Variants in WSCD1 observed in about 807,000 individuals in gnomAD.
WSCD1 encodes the protein WSC domain sialate O sulfotransferase 1, also known as sialate:O-sulfotransferase 1.
WSCD1 carries 41 observed loss-of-function variants against 60.4 expected under a neutral mutation model. The observed-to-expected ratio is 0.68, with a 90% CI of 0.53 to 0.88. WSCD1 has a LOEUF of 0.88. Ranked by LOEUF, WSCD1 falls within the 40% of genes least tolerant of loss-of-function variation. The pLI is 0.00. For missense variants in WSCD1, 784 were observed against 796.2 expected (o/e 0.98, Z 0.18); for synonymous variants, 361 against 332.5 (o/e 1.09, Z -0.93).
chr17:6,092,786 G>A (rs1910145373), intron 4 of WSCD1, among the ~76,000 whole-genome samples: 1 of 152,180 alleles, frequency 6.6e-6, no homozygotes, highest in Non-Finnish European at 1.5e-5. Context: ...GTTGCCCATG[G>A]ATTAAGAGAC....
At position 6,110,780 on chromosome 17, in the gene WSCD1, G is replaced by T; in HGVS notation, c.1019G>T (p.Cys340Phe). 1 of 1,612,484 alleles carries T rather than the reference G, an allele frequency of 6.2e-7. No individual in the cohort carries two copies. The highest frequency in any genetic ancestry group is 8.5e-7 in the Non-Finnish European group (1 of 1,178,830). Residue 340 changes from cysteine (C) to phenylalanine (F), a missense_variant, in exon 7 of 9, where the codon TGT becomes TTT. Coordinates refer to ENST00000317744, the MANE Select transcript of WSCD1 (RefSeq NM_015253.2). This position sits in a 1 kb window ranked among gnomAD's most constrained non-coding sequence, Gnocchi z 4.8. ...VYQTPVQDTR[C>F]TDRRFLPNKS... Reference sequence around the variant, plus strand: ...ACTTTTGGACTTTCAGACACTCGTTGTACAGACAGGAGGTTCCTGCCTAAC... The same window carrying T: ...ACTTTTGGACTTTCAGACACTCGTTTTACAGACAGGAGGTTCCTGCCTAAC...
chr17:6,092,360 G>T (rs1910114319), intron 4 of WSCD1, among the ~76,000 whole-genome samples: 1 of 152,076 alleles, frequency 6.6e-6, no homozygotes, highest in Non-Finnish European at 1.5e-5. Context: ...AGCTGACCGG[G>T]GCTTCTTAGA....
At chr17:6,082,448 G>A (rs1909342267) in intron 2 of WSCD1, among the ~76,000 whole-genome samples, 3 of 152,334 alleles carry the variant, frequency 2.0e-5, no homozygotes, top group South Asian at 2.1e-4. Flanking sequence ...TGGGAGACAT[G>A]GAAGGGACAC....
At chr17:6,099,999 C>G (rs952060617) in intron 5 of WSCD1, among the ~76,000 whole-genome samples, 1 of 152,070 alleles carries the variant, frequency 6.6e-6, no homozygotes, top group African/African-American at 2.4e-5. Flanking sequence ...GCTTGAATGC[C>G]TGCCTCAAGG....
Position 6,120,524 on chromosome 17 carries a change from C to T in WSCD1, c.1591C>T (p.Arg531Cys), listed in dbSNP as rs1394035623. 1.2e-5 allele frequency: 19 copies of T among 1,613,596 alleles called. No individual in the cohort carries two copies. Among genetic ancestry groups the T allele is most frequent in the African/African-American group, 4.0e-5 (3 of 74,946 alleles). The change falls in exon 9 of 9, where the codon CGC (arginine) becomes TGC (cysteine). Residue 531 changes from arginine (R) to cysteine (C), a missense_variant. Arg to Cys is a radical substitution (Grantham distance 180). Transcript: ENST00000317744. ...CAACAAGGAGGGCAGCTTCCGGCGG[C>T]GCGGCCGGCGCTCCCACGACCCTGA... ...ENNKEGSFRR[R>C]GRRSHDPEPF... is the part of the protein sequence containing the mutation.
At chr17:6,069,745 GTC>G (rs922258578), upstream of WSCD1, among the ~76,000 whole-genome samples, 3 of 150,142 alleles carry the variant, frequency 2.0e-5, no homozygotes, top group Non-Finnish European at 4.4e-5. Flanking sequence ...GTGACCGTCT[GTC>G]TCTAGCTCTG....
rs2150576979 is a variant in WSCD1, at chr17:6,123,967, C to T, written c.*3306C>T. ...CTTGCTGATTGCATCCACATTCATT[C>T]CTCCATTTCCTTTCCCAGCAACCCC... On this transcript the variant is annotated 3_prime_UTR_variant, in exon 9 of 9. Transcript: ENST00000317744. 1 of 152,290 alleles carries T rather than the reference C, an allele frequency of 6.6e-6. No homozygotes were observed. Among genetic ancestry groups the T allele is most frequent in the South Asian group, 2.1e-4 (1 of 4,816 alleles). 9.4% of individuals were successfully genotyped at this position (152,290 alleles called of 1,614,324 possible).
chr17:6,120,039 C>T (rs150169995), intron 8 of WSCD1, among the ~76,000 whole-genome samples: 19 of 152,338 alleles, frequency 1.2e-4, no homozygotes, highest in Non-Finnish European at 1.8e-4. Flanking sequence ...TCAGGCATCA[C>T]GCTGACTTAG....
intron 7 of WSCD1, among the ~76,000 whole-genome samples, chr17:6,114,153 TAAAAAAAAAA>T (rs370433776): frequency 1.0e-4 from 13 of 125,202 alleles, no homozygotes; most frequent in African/African-American, 3.7e-4. Context: ...TAGTTAGCCG[TAAAAAAAAAA>T]AAAAAAAAAG....
intron 5 of WSCD1, among the ~76,000 whole-genome samples, chr17:6,097,250 A>G (rs1910501234): frequency 6.6e-6 from 1 of 152,276 alleles, no homozygotes; most frequent in Admixed American, 6.5e-5. Context: ...AGGGGTGGCC[A>G]TTGTGGCCAT....
chr17:6,112,910 A>G (rs1911487629), intron 7 of WSCD1, among the ~76,000 whole-genome samples: 1 of 152,190 alleles, frequency 6.6e-6, no homozygotes, highest in Admixed American at 6.5e-5. Context: ...CTATCAAAAT[A>G]CCAATGACAT....
At chr17:6,103,573 C>A (rs1910925775) in intron 5 of WSCD1, among the ~76,000 whole-genome samples, 1 of 152,166 alleles carries the variant, frequency 6.6e-6, no homozygotes, top group African/African-American at 2.4e-5. Context: ...GGAGACATCC[C>A]ACATCCCACA....
At chr17:6,109,804 C>T in intron 6 of WSCD1, 38 bp downstream of exon 6, 5 of 1,596,228 alleles carry the variant, frequency 3.1e-6, no homozygotes, top group Admixed American at 1.7e-5. Flanking sequence ...GGCATTTGGT[C>T]TGGGGGGTGG....
intron 8 of WSCD1, 101 bp from the exon 9 acceptor site, chr17:6,120,207 TG>T: frequency 7.9e-7 from 1 of 1,270,608 alleles, no homozygotes. Context: ...CAGTGGACAG[TG>T]GAAAACCCTG....
chr17:6,081,938 G>T (rs1043205039), intron 2 of WSCD1: 2 of 152,270 alleles, frequency 1.3e-5, no homozygotes, highest in East Asian at 3.9e-4. Context: ...TGGGGTAGGG[G>T]CCAGCAGGCT....
intron 7 of WSCD1, 119 bp from the exon 8 acceptor site, chr17:6,117,869 G>A (rs1904387502): frequency 2.0e-6 from 2 of 1,014,066 alleles, no homozygotes; most frequent in South Asian, 3.1e-5. Flanking sequence ...TGTCCTCTGT[G>A]TCTTCCATGG....
At chr17:6,116,068 C>T (rs1911670768) in intron 7 of WSCD1, among the ~76,000 whole-genome samples, 1 of 152,140 alleles carries the variant, frequency 6.6e-6, no homozygotes, top group East Asian at 1.9e-4. Context: ...CTTGTACTCC[C>T]TGGGAACCTC....
At position 6,101,319 on chromosome 17, in the gene WSCD1, T is replaced by C. The variant is rs4362439; in HGVS notation, c.849+6096T>C. 0.59 allele frequency among the ~76,000 whole-genome samples: 90,009 copies of C among 151,804 alleles called. 27,746 individuals are homozygous for C. Among genetic ancestry groups the C allele is most frequent in the South Asian group, 0.7 (3,377 of 4,794 alleles). ...CAAAGACTTTGATGATGGAAAATGC[T>C]CACAGTAGAATGTTAAATGGGGCAG... On this transcript the variant is annotated intron_variant, in intron 5 of 8. Coordinates refer to ENST00000317744, the MANE Select transcript of WSCD1 (RefSeq NM_015253.2). This position sits in a 1 kb window ranked among gnomAD's most constrained non-coding sequence, Gnocchi z 4.1.
chr17:6,119,497 G>A (rs1904509106), intron 8 of WSCD1, among the ~76,000 whole-genome samples: 1 of 152,224 alleles, frequency 6.6e-6, no homozygotes, highest in Admixed American at 6.5e-5. Context: ...AGAAGTCACA[G>A]GACCCATGGC....
Sources: allele counts gnomAD v4.1 joint callset (sites outside exome capture counted in the v4.1 genomes callset), GRCh38; gene constraint gnomAD v4.1.1; non-coding constraint Gnocchi (gnomAD v3.1); transcripts MANE v1.5; gene names NCBI Gene and HGNC (gene_info 2026-07-23, HGNC 2026-07-21).